The following MTCH1 variants were observed in gnomAD, a reference collection of about 807,000 sequenced individuals.
MTCH1 encodes mitochondrial carrier homolog 1.
A neutral mutation model predicts 49.3 loss-of-function variants in MTCH1; 23 were observed. That is an observed-to-expected ratio of 0.47 (90% CI 0.34 to 0.66). The LOEUF (loss-of-function observed/expected upper bound fraction) is 0.66, where lower values mean the gene tolerates loss of function less well. Ranked by LOEUF, MTCH1 falls within the 30% of genes least tolerant of loss-of-function variation. MTCH1 has a pLI of 0.01. For missense variants in MTCH1, 397 were observed against 532.1 expected, an observed-to-expected ratio of 0.75 and a Z score of 2.50; for synonymous variants, 229 against 215.2, an observed-to-expected ratio of 1.06 and a Z score of -0.56.
chr6:36,968,688 C>G lies in MTCH1; in HGVS notation c.*215G>C. On this transcript the variant is annotated 3_prime_UTR_variant, in exon 12 of 12. Transcript: ENST00000373627. ...CAACTCCCCACCTCGCCTCACCTTCCCTAGGTCTGCCGGGTGACCCAATCC... is the reference window on the plus strand; with the variant it reads ...CAACTCCCCACCTCGCCTCACCTTCGCTAGGTCTGCCGGGTGACCCAATCC... 1 of 731,926 alleles carries G rather than the reference C, an allele frequency of 1.4e-6. No individual in the cohort carries two copies. The highest frequency in any genetic ancestry group is 2.4e-6 in the Non-Finnish European group (1 of 417,756). 45.3% of individuals were successfully genotyped at this position (731,926 alleles called of 1,614,324 possible). A position where few individuals can be genotyped will look rare whatever the true frequency, so the allele number is the denominator to read the frequency against.
Position 36,986,085 on chromosome 6 carries a change from C to A in MTCH1, c.89G>T (p.Gly30Val). Residue 30 changes from glycine (G) to valine (V), a missense_variant, in exon 1 of 12, where the codon GGC (glycine) becomes GTC (valine). Physicochemically the swap from Gly to Val is moderately radical, Grantham distance 109. Transcript: ENST00000373627. ...AGCCTCGACCCCCGCCGCCGCTCCG[C>A]CGCGAGCTCCGGCTCCAGCTCCGGC... ...AGAGAGAGAR[G>V]GAAAGVEARA... 7.0e-7 allele frequency: 1 copy of A among 1,431,058 alleles called. No homozygotes were observed. Among genetic ancestry groups the A allele is most frequent in the South Asian group, 1.4e-5 (1 of 69,428 alleles). The allele number at this position is 1,431,058 out of a possible 1,614,324, so 88.6% of individuals were successfully genotyped here. A position where few individuals can be genotyped will look rare whatever the true frequency, so the allele number is the denominator to read the frequency against.
chr6:36,978,381 G>C (rs1160024985), intron 3 of MTCH1, 124 bp downstream of exon 3: 1 of 1,018,856 alleles, frequency 9.8e-7, no homozygotes. Context: ...CCCCCATGGG[G>C]CTGGAGTGAA....
chr6:36,969,206 T>C, intron 11 of MTCH1: 3 of 985,406 alleles, frequency 3.0e-6, no homozygotes, highest in Non-Finnish European at 3.6e-6. Flanking sequence ...AGGAGAGCCC[T>C]AGAGAGGAGG....
At chr6:36,979,294 G>A (rs1044482036) in intron 2 of MTCH1, among the ~76,000 whole-genome samples, 1 of 152,204 alleles carries the variant, frequency 6.6e-6, no homozygotes, top group African/African-American at 2.4e-5. Flanking sequence ...TGTTATGGAA[G>A]CTAGACCCTA....
intron 2 of MTCH1, among the ~76,000 whole-genome samples, chr6:36,979,748 G>A: frequency 6.6e-6 from 1 of 152,082 alleles, no homozygotes; most frequent in East Asian, 1.9e-4. Context: ...TTTGGGGGAG[G>A]GTGGATCCTA....
chr6:36,969,769 C>A, intron 11 of MTCH1: 1 of 1,350,292 alleles, frequency 7.4e-7, no homozygotes, highest in South Asian at 1.5e-5. Context: ...GTTCTCTTAT[C>A]CTTATCCTAA....
chr6:36,986,199 CG>C (rs542448999), upstream of MTCH1: 9,036 of 1,412,870 alleles, frequency 6.4e-3, 43 homozygotes, highest in Middle Eastern at 7.3e-3. Context: ...GGTCACTCCC[CG>C]TCACGTGACG....
chr6:36,977,636 T>C lies in MTCH1; in HGVS notation c.647A>G (p.His216Arg). 6.2e-7 allele frequency: 1 copy of C among 1,606,362 alleles called. No homozygotes were observed. The highest frequency in any genetic ancestry group is 8.5e-7 in the Non-Finnish European group (1 of 1,175,836). ...CVSRMLAHPL[H>R]VISMRCMVQF... Reference sequence around the variant, plus strand: ...TCGGGGGAAGGGGGGTGGCTTACCATGCAGGGGGTGGGCCAACATGCGGGA... The same window carrying C: ...TCGGGGGAAGGGGGGTGGCTTACCACGCAGGGGGTGGGCCAACATGCGGGA... Residue 216 changes from histidine (H) to arginine (R), a missense_variant and splice_region_variant, in exon 5 of 12, where the codon CAT becomes CGT. His to Arg is a conservative substitution (Grantham distance 29, BLOSUM62 0). Coordinates refer to ENST00000373627, the MANE Select transcript of MTCH1 (RefSeq NM_001271641.2). The surrounding 1 kb of genome is among the most constrained non-coding windows in gnomAD (Gnocchi z 5.4).
At position 36,985,971 on chromosome 6, in the gene MTCH1, C is replaced by A; in HGVS notation, c.203G>T (p.Gly68Val). The change falls in exon 1 of 12, where the codon GGG becomes GTG. Residue 68 changes from glycine to valine, a missense_variant. Transcript: ENST00000373627. ...GTCCCCAGACCCCAGGCCCCCTGACCCGCCATCCATCCTGCGGGCCGAGGG... is the reference window on the plus strand; with the variant it reads ...GTCCCCAGACCCCAGGCCCCCTGACACGCCATCCATCCTGCGGGCCGAGGG... ...AQPSARRMDG[G>V]SGGLGSGDNA... 1 of 1,548,378 alleles carries A rather than the reference C, an allele frequency of 6.5e-7. No individual in the cohort carries two copies. Among genetic ancestry groups the A allele is most frequent in the Admixed American group, 2.0e-5 (1 of 50,954 alleles).
chr6:36,970,289 G>A, intron 10 of MTCH1, 117 bp downstream of exon 10: 1 of 1,482,698 alleles, frequency 6.7e-7, no homozygotes, highest in Non-Finnish European at 9.3e-7. Flanking sequence ...GTGCCTGGCA[G>A]GCCAAGCCTA....
intron 2 of MTCH1, among the ~76,000 whole-genome samples, chr6:36,981,112 A>T (rs1023087582): frequency 6.6e-6 from 1 of 152,182 alleles, no homozygotes; most frequent in African/African-American, 2.4e-5. Flanking sequence ...CACCAGAGTG[A>T]GTGAGCACCA....
intron 2 of MTCH1, among the ~76,000 whole-genome samples, chr6:36,978,942 C>T (rs1763994149): frequency 7.5e-6 from 1 of 132,452 alleles, no homozygotes; most frequent in Non-Finnish European, 1.6e-5. Flanking sequence ...GATTTCTCAA[C>T]TCAGCAACTT....
chr6:36,976,361 C>T, intron 6 of MTCH1: 2 of 358,498 alleles, frequency 5.6e-6, no homozygotes, highest in Non-Finnish European at 1.1e-5. Flanking sequence ...TCAATAACAA[C>T]CTACTAACAG....
chr6:36,968,687 C>T lies in MTCH1; in HGVS notation c.*216G>A, dbSNP rs1254902799. The T allele has an allele frequency of 2.8e-6, 2 of 725,818 alleles. No individual in the cohort carries two copies. The highest frequency in any genetic ancestry group is 3.5e-5 in the African/African-American group (2 of 56,890). The allele number at this position is 725,818 out of a possible 1,614,324, so 45.0% of individuals were successfully genotyped here. ...CCAACTCCCCACCTCGCCTCACCTT[C>T]CCTAGGTCTGCCGGGTGACCCAATC... On this transcript the variant is annotated 3_prime_UTR_variant, in exon 12 of 12. Coordinates refer to ENST00000373627, the MANE Select transcript of MTCH1 (RefSeq NM_001271641.2).
rs776647779 is a variant in MTCH1 at position 36,978,542 on chromosome 6, T to C, written c.476A>G (p.Asn159Ser). ...ACCCCGAGTCACAGTAGAGAGGGCG[T>C]TGGACATCAGCCGGGGACTCAGGCC... Reference protein sequence around the residue: ...FRGLSPRLMSNALSTVTRGSM... With the variant: ...FRGLSPRLMSSALSTVTRGSM... The change falls in exon 3 of 12, where the codon AAC becomes AGC. Residue 159 changes from asparagine (N) to serine (S), a missense_variant. Asn to Ser is a conservative substitution (Grantham distance 46). Transcript: ENST00000373627. 3 of 1,614,030 alleles carry C rather than the reference T, an allele frequency of 1.9e-6. No homozygotes were observed. The highest frequency in any genetic ancestry group is 2.5e-6 in the Non-Finnish European group (3 of 1,180,034).
chr6:36,973,487 A>T (rs989304807), intron 7 of MTCH1, among the ~76,000 whole-genome samples: 1 of 137,930 alleles, frequency 7.3e-6, no homozygotes, highest in Admixed American at 7.2e-5. Context: ...TTTTTGAATT[A>T]AAAAAAAAAA....
intron 7 of MTCH1, among the ~76,000 whole-genome samples, chr6:36,974,325 C>A (rs142384123): frequency 2.6e-5 from 4 of 152,096 alleles, no homozygotes; most frequent in Non-Finnish European, 5.9e-5. Context: ...CTCAGCCTCC[C>A]GGGTAGCTAG....
At chr6:36,971,832 A>G (rs1031416167) in intron 8 of MTCH1, among the ~76,000 whole-genome samples, 6 of 151,998 alleles carry the variant, frequency 3.9e-5, no homozygotes, top group African/African-American at 1.4e-4. Context: ...GGTGATCCCC[A>G]CTGTGAGAAT....
At position 36,977,562 on chromosome 6, in the gene MTCH1, G is replaced by A. The variant is rs1763927944; in HGVS notation, c.649+72C>T. The A allele has an allele frequency of 4.7e-6, 5 of 1,069,352 alleles. No individual in the cohort carries two copies. Among genetic ancestry groups the A allele is most frequent in the South Asian group, 2.8e-5 (2 of 71,678 alleles). The allele number at this position is 1,069,352 out of a possible 1,614,324, so 66.2% of individuals were successfully genotyped here. A position where few individuals can be genotyped will look rare whatever the true frequency, so the allele number is the denominator to read the frequency against. ...CTACGGCTGTCTATGTACAGTCCAC[G>A]AGGGGGCGCCCCTCACCCCACGCCC... is the stretch of plus-strand genomic sequence containing the variant. On this transcript the variant is annotated intron_variant, in intron 5 of 11. Transcript: ENST00000373627. The surrounding 1 kb of genome is among the most constrained non-coding windows in gnomAD (Gnocchi z 5.4).
Sources: gnomAD v4.1 joint callset for allele counts (sites outside exome capture counted in the v4.1 genomes callset) on GRCh38, gnomAD v4.1.1 for gene constraint, Gnocchi (gnomAD v3.1) non-coding constraint, MANE v1.5 for transcripts, NCBI Gene and HGNC (gene_info 2026-07-23, HGNC 2026-07-21) for gene names.